Variants in NTRK1 observed in about 807,000 individuals in gnomAD.
NTRK1 encodes the protein neurotrophic receptor tyrosine kinase 1.
In NTRK1, 62 loss-of-function variants were observed where a neutral mutation model predicts 86.8. That is an observed-to-expected ratio of 0.71 (90% CI 0.58 to 0.88). The LOEUF is 0.88. Among genes scored for constraint, NTRK1 ranks in the 40% least tolerant of loss-of-function variants. The probability of loss-of-function intolerance (pLI) is 0.00; values close to 1 mark genes in which losing one functional copy is unlikely to be tolerated. For synonymous variants in NTRK1, 469 were observed against 456.6 expected, an observed-to-expected ratio of 1.03 and a Z score of -0.35; for missense variants, 967 against 1,078.4, an observed-to-expected ratio of 0.90 and a Z score of 1.45.
In NTRK1 at chr1:156,876,408, G is replaced by A. The variant is rs369063493; in HGVS notation, c.1641G>A (p.Lys547=). ...CTGCCGCTTCCATCCAGGCACTGAA[G>A]GAGGCGTCCGAGAGTGCTCGGCAGG... ...DKMLVAVKAL[K]EASESARQDF... is the part of the protein sequence containing the mutation. The change falls in exon 14 of 17, where the codon AAG becomes AAA. Residue 547 remains lysine, a synonymous_variant. Transcript: ENST00000524377. 3 of 1,613,714 alleles carry A rather than the reference G, an allele frequency of 1.9e-6. No homozygotes were observed. The highest frequency in any genetic ancestry group is 1.1e-5 in the South Asian group (1 of 91,090).
At position 156,866,795 on chromosome 1, in the gene NTRK1, C is replaced by T. The variant is rs369375126; in HGVS notation, c.360-115C>T. On this transcript the variant is annotated intron_variant, in intron 3 of 16. Coordinates refer to ENST00000524377, the MANE Select transcript of NTRK1 (RefSeq NM_002529.4). ...CAGGGCTGGTTCTGGTTGCCTAGGC[C>T]GGGGCGGGGGAGCCAGATGTCAACT... The T allele has an allele frequency of 6.5e-5, 72 of 1,115,526 alleles. No individual in the cohort carries two copies. The East Asian group carries it at 9.7e-4, about 15-fold the overall frequency. 69.1% of individuals were successfully genotyped at this position (1,115,526 alleles called of 1,614,324 possible).
Position 156,843,360 on chromosome 1 carries a change from A to G in NTRK1, c.50+1167A>G, listed in dbSNP as rs1292850887. 1.9e-6 allele frequency: 3 copies of G among 1,583,568 alleles called. No individual in the cohort carries two copies. The African/African-American group carries it at 4.0e-5, about 21-fold the overall frequency. ...TATCTTCTGCAAGAAGGTCTTCTGG[A>G]AGTCTGTCTCTGCTCCTCTCCTGTC... On this transcript the variant is annotated intron_variant, in intron 2 of 16. Coordinates refer to the NTRK1 transcript ENST00000392302.
intron 2 of NTRK1, chr1:156,851,147 A>G: frequency 1.2e-6 from 1 of 834,544 alleles, no homozygotes; most frequent in Admixed American, 1.8e-5. Flanking sequence ...AGAAAACTGA[A>G]GACCAGAGAA....
Position 156,879,344 on chromosome 1 carries a change from C to T in NTRK1, c.2028C>T (p.Tyr676=), listed in dbSNP as rs1052882544. The part of the protein sequence containing the change: ...IGDFGMSRDI[Y]STDYYRVGGR... ...ATTTTGGCATGAGCAGGGATATCTA[C>T]AGCACCGACTATTACCGTGTAAGGG... The change falls in exon 15 of 17, where the codon TAC becomes TAT. Residue 676 remains tyrosine, a synonymous_variant. Coordinates refer to ENST00000524377, the MANE Select transcript of NTRK1 (RefSeq NM_002529.4). 4 of 1,607,750 alleles carry T rather than the reference C, an allele frequency of 2.5e-6. No homozygotes were observed. The highest frequency in any genetic ancestry group is 1.3e-5 in the African/African-American group (1 of 74,928).
chr1:156,865,443 T>C (rs541823441), intron 3 of NTRK1, among the ~76,000 whole-genome samples: 7 of 152,200 alleles, frequency 4.6e-5, no homozygotes, highest in Non-Finnish European at 8.8e-5. Context: ...TCACAGAATC[T>C]AATGCTGCCA....
upstream of NTRK1, among the ~76,000 whole-genome samples, chr1:156,858,132 C>T (rs1476504381): frequency 4.6e-5 from 7 of 152,170 alleles, no homozygotes; most frequent in South Asian, 4.1e-4. Flanking sequence ...AGTTTCCTGT[C>T]GGCAACATTG....
chr1:156,860,740 A>T (rs1262835932), upstream of NTRK1: 1 of 998,080 alleles, frequency 1.0e-6, no homozygotes, highest in Non-Finnish European at 1.3e-6. Flanking sequence ...GAGGGGGCAG[A>T]GGGGGGGGCG....
chr1:156,876,277 A>T (rs2102918311), intron 13 of NTRK1, 67 bp downstream of exon 13: 3 of 1,611,878 alleles, frequency 1.9e-6, no homozygotes, highest in Non-Finnish European at 2.5e-6. Context: ...TCACATCAGG[A>T]CAGAGTGGGG....
In NTRK1 at chr1:156,861,053, G is replaced by GT. The variant is rs1131691595; in HGVS notation, c.119_120insT (p.Cys41LeufsTer18). 1 of 1,561,940 alleles carries GT rather than the reference G, an allele frequency of 6.4e-7. No individual in the cohort carries two copies. The highest frequency in any genetic ancestry group is 8.6e-7 in the Non-Finnish European group (1 of 1,158,542). On this transcript the variant is annotated frameshift_variant, in exon 1 of 17. Transcript: ENST00000524377. LOFTEE classifies it high-confidence loss of function. ...GGCGCCGCACCCTGCCCCGATGCCT[G>GT]CTGCCCCCACGGCTCCTCGGGACTG...
In NTRK1 at chr1:156,854,070, T is replaced by A; in HGVS notation, c.51-10284T>A. Reference sequence around the variant, plus strand: ...AGTGCATAGCCCAGGAAGAGGCGCGTCCCGCGGATGACTGCTAGGTTGGGG... The same window carrying A: ...AGTGCATAGCCCAGGAAGAGGCGCGACCCGCGGATGACTGCTAGGTTGGGG... On this transcript the variant is annotated intron_variant, in intron 2 of 16. Coordinates refer to the NTRK1 transcript ENST00000392302. This position sits in a 1 kb window ranked among gnomAD's most constrained non-coding sequence, Gnocchi z 4.2. 1 of 1,614,004 alleles carries A rather than the reference T, an allele frequency of 6.2e-7. No homozygotes were observed. The highest frequency in any genetic ancestry group is 1.1e-5 in the South Asian group (1 of 91,084).
intron 2 of NTRK1, chr1:156,844,091 T>C: frequency 1.0e-6 from 1 of 956,908 alleles, no homozygotes; most frequent in South Asian, 1.5e-5. Flanking sequence ...GTCTTTCTAC[T>C]GTCTCATCTA....
intron 1 of NTRK1, among the ~76,000 whole-genome samples, chr1:156,832,890 T>C (rs1245891557): frequency 6.6e-6 from 1 of 152,274 alleles, no homozygotes; most frequent in Non-Finnish European, 1.5e-5. Flanking sequence ...GCAGACAGCA[T>C]GCCCCTCAGG....
intron 1 of NTRK1, chr1:156,841,877 T>A: frequency 6.2e-7 from 1 of 1,607,652 alleles, no homozygotes; most frequent in Non-Finnish European, 8.5e-7. Flanking sequence ...CCTCTCCCAA[T>A]CTTCTCATCC....
intron 2 of NTRK1, chr1:156,845,421 G>A: frequency 6.5e-7 from 1 of 1,545,526 alleles, no homozygotes; most frequent in Non-Finnish European, 8.7e-7. Context: ...GATCTGGGGA[G>A]GCCAGGAGTA....
intron 1 of NTRK1, among the ~76,000 whole-genome samples, chr1:156,839,044 C>T (rs1324722898): frequency 6.6e-6 from 1 of 152,240 alleles, no homozygotes; most frequent in Non-Finnish European, 1.5e-5. Context: ...AACTTTTTCC[C>T]TTAGCTGCGG....
intron 2 of NTRK1, chr1:156,844,988 G>A: frequency 6.5e-7 from 1 of 1,531,882 alleles, no homozygotes; most frequent in East Asian, 2.3e-5. Flanking sequence ...CGAGGCTCTG[G>A]GGTTAGCGAG....
intron 5 of NTRK1, 34 bp downstream of exon 5, chr1:156,868,283 G>T (rs765114634): frequency 3.1e-6 from 5 of 1,601,642 alleles, no homozygotes; most frequent in Admixed American, 3.3e-5. Flanking sequence ...GTGTAAGGGG[G>T]CTGGGGAAGA....
intron 2 of NTRK1, chr1:156,844,476 T>C (rs747389912): frequency 1.2e-6 from 2 of 1,613,766 alleles, no homozygotes; most frequent in Non-Finnish European, 1.7e-6. Context: ...GCCAAGGATG[T>C]AGAAGGCAAC....
chr1:156,844,892 C>T, intron 2 of NTRK1: 1 of 1,609,010 alleles, frequency 6.2e-7, no homozygotes, highest in Non-Finnish European at 8.5e-7. Flanking sequence ...TTCATCTCAC[C>T]TTATGTTCAA....
Sources: allele counts gnomAD v4.1 joint callset (sites outside exome capture counted in the v4.1 genomes callset), GRCh38; gene constraint gnomAD v4.1.1; non-coding constraint Gnocchi (gnomAD v3.1); transcripts MANE v1.5; gene names NCBI Gene and HGNC (gene_info 2026-07-23, HGNC 2026-07-21).